CNKSR2: variants seen among roughly 807,000 people sequenced by gnomAD.
The protein encoded by CNKSR2 is CNK homolog protein 2.
In CNKSR2, 14 loss-of-function variants were observed where a neutral mutation model predicts 84.4. The observed-to-expected ratio is 0.17, with a 90% confidence interval of 0.11 to 0.26. The LOEUF is 0.26. Among genes scored for constraint, CNKSR2 ranks in the 10% least tolerant of loss-of-function variants. CNKSR2 has a pLI of 1.00. For missense variants in CNKSR2, 485 were observed against 771.2 expected, an observed-to-expected ratio of 0.63 and a Z score of 4.40; for synonymous variants, 275 against 277.9, an observed-to-expected ratio of 0.99 and a Z score of 0.10.
intron 5 of CNKSR2, among the ~76,000 whole-genome samples, chrX:21,477,449 G>T (rs2091272099): frequency 9.3e-6 from 1 of 107,838 alleles, no homozygotes; most frequent in African/African-American, 3.4e-5. Flanking sequence ...TGTTACTTAG[G>T]TTTGATCATG....
chrX:21,545,499 A>C (rs1188648215), intron 11 of CNKSR2, among the ~76,000 whole-genome samples: 1 of 112,142 alleles, frequency 8.9e-6, no homozygotes, highest in Non-Finnish European at 1.9e-5. Context: ...CAGCTTCGGC[A>C]GACTTAAACA....
At chrX:21,539,562 C>A (rs1014614149) in intron 11 of CNKSR2, among the ~76,000 whole-genome samples, 4 of 110,963 alleles carry the variant, frequency 3.6e-5, no homozygotes, top group African/African-American at 1.3e-4. Context: ...GTCATATTTC[C>A]TTACTTTTTC....
rs1359364434 is a variant in CNKSR2, at chrX:21,374,540, C to T, written c.-358C>T. The T allele has an allele frequency of 4.5e-6, 2 of 444,604 alleles. No homozygotes were observed. Among genetic ancestry groups the T allele is most frequent in the African/African-American group, 2.5e-5 (1 of 40,531 alleles). The allele number at this position is 444,604 out of a possible 1,213,427, so 36.6% of individuals were successfully genotyped here. A position where few individuals can be genotyped will look rare whatever the true frequency, so the allele number is the denominator to read the frequency against. Reference sequence around the variant, plus strand: ...CCTCGGCGACGCGACCCCTCAGCAACTCAAGCTATGAACTGAAGCTCCCTA... The same window carrying T: ...CCTCGGCGACGCGACCCCTCAGCAATTCAAGCTATGAACTGAAGCTCCCTA... On this transcript the variant is annotated 5_prime_UTR_variant, in exon 1 of 22. Transcript: ENST00000379510.
At chrX:21,399,800 T>C (rs1244976258) in intron 1 of CNKSR2, among the ~76,000 whole-genome samples, 1 of 111,836 alleles carries the variant, frequency 8.9e-6, no homozygotes, top group Non-Finnish European at 1.9e-5. Context: ...GTGTGGCCTT[T>C]GAAGCCAAAT....
rs16981603 is a variant in CNKSR2, at chrX:21,585,707, T to C, written c.1609-4865T>C. 6.9e-3 allele frequency among the ~76,000 whole-genome samples: 771 copies of C among 111,504 alleles called. 5 individuals are homozygous for C. Among genetic ancestry groups the C allele is most frequent in the African/African-American group, 0.024 (728 of 30,682 alleles). ...AGGCTTTAGCTCAGTGAAGAAGTCC[T>C]GGCTAGTGGTATGAATTCTTAAGTT... is the stretch of plus-strand genomic sequence containing the variant. On this transcript the variant is annotated intron_variant, in intron 13 of 21. Transcript: ENST00000379510.
intron 20 of CNKSR2, among the ~76,000 whole-genome samples, chrX:21,625,139 A>G (rs1043000075): frequency 1.6e-4 from 18 of 112,835 alleles, no homozygotes; most frequent in African/African-American, 5.8e-4. Context: ...AAATAAATGC[A>G]CATCGTATTC....
chrX:21,547,404 TACAGGAGCACCCAG>T (rs1334108979), intron 11 of CNKSR2, among the ~76,000 whole-genome samples: 3 of 111,439 alleles, frequency 2.7e-5, no homozygotes, highest in Non-Finnish European at 3.8e-5. Flanking sequence ...ATGCACCCAA[TACAGGAGCACCCAG>T]ATTCATAAAG....
intron 9 of CNKSR2, among the ~76,000 whole-genome samples, chrX:21,519,207 G>C (rs1229776863): frequency 9.0e-6 from 1 of 111,053 alleles, no homozygotes; most frequent in East Asian, 2.8e-4. Flanking sequence ...TAAAGTTCTG[G>C]CTTATGCTAA....
At chrX:21,487,725 C>T (rs1208623063) in intron 5 of CNKSR2, among the ~76,000 whole-genome samples, 1 of 111,913 alleles carries the variant, frequency 8.9e-6, no homozygotes, top group Admixed American at 9.5e-5. Flanking sequence ...GAATTTGAAC[C>T]GCAGCCAGTT....
At chrX:21,469,079 T>C (rs2091164742) in intron 4 of CNKSR2, among the ~76,000 whole-genome samples, 1 of 112,545 alleles carries the variant, frequency 8.9e-6, no homozygotes, top group South Asian at 3.6e-4. Flanking sequence ...GTATGATTAT[T>C]ATCCACTACT....
At chrX:21,486,121 C>T (rs2091382372) in intron 5 of CNKSR2, among the ~76,000 whole-genome samples, 1 of 111,605 alleles carries the variant, frequency 9.0e-6, no homozygotes, top group Non-Finnish European at 1.9e-5. Context: ...GAGACTCCAT[C>T]TCAAAAATAA....
intron 1 of CNKSR2, among the ~76,000 whole-genome samples, chrX:21,377,113 A>G (rs780589227): frequency 1.8e-4 from 20 of 112,165 alleles, no homozygotes; most frequent in African/African-American, 5.8e-4. Context: ...GAAAAGATCA[A>G]TTGGGTAGCC....
intron 5 of CNKSR2, among the ~76,000 whole-genome samples, chrX:21,481,888 G>C (rs2091323780): frequency 9.0e-6 from 1 of 111,607 alleles, no homozygotes; most frequent in South Asian, 3.8e-4. Context: ...GGATTCTGCT[G>C]ACAACCTGAA....
At chrX:21,402,670 G>A (rs1221531785) in intron 1 of CNKSR2, among the ~76,000 whole-genome samples, 4 of 110,619 alleles carry the variant, frequency 3.6e-5, no homozygotes, top group South Asian at 3.8e-4. Context: ...CTGGTTTACC[G>A]TCTTAATTAT....
chrX:21,495,832 T>C (rs1216902778), intron 6 of CNKSR2: 1 of 76,353 alleles, frequency 1.3e-5, no homozygotes, highest in Admixed American at 1.5e-4. Flanking sequence ...ACACGAAAAA[T>C]TTACTCTCTA....
Position 21,517,851 on chromosome X carries a change from A to C in CNKSR2, c.957+1220A>C, listed in dbSNP as rs149396827. On this transcript the variant is annotated intron_variant, in intron 9 of 21. Transcript: ENST00000379510. The stretch of plus-strand genomic sequence containing the variant: ...ATTAAGCTCTATGTTAGTACCTTTT[A>C]TTATTCATAGATTTTTTTTCCTAAG... 7.1e-3 allele frequency among the ~76,000 whole-genome samples: 789 copies of C among 111,617 alleles called. 2 individuals are homozygous for C. The highest frequency in any genetic ancestry group is 0.024 in the African/African-American group (749 of 30,835).
intron 4 of CNKSR2, among the ~76,000 whole-genome samples, chrX:21,448,394 C>T (rs968762373): frequency 1.8e-5 from 2 of 111,483 alleles, no homozygotes; most frequent in Non-Finnish European, 3.8e-5. Flanking sequence ...AAAGAGAGAA[C>T]CAATGCTAGA....
intron 5 of CNKSR2, among the ~76,000 whole-genome samples, chrX:21,484,331 C>T (rs781088343): frequency 7.1e-4 from 78 of 110,560 alleles, no homozygotes; most frequent in African/African-American, 2.5e-3. Context: ...AAAACAAAAA[C>T]CCATACTTTA....
Position 21,376,890 on chromosome X carries a change from A to G in CNKSR2, c.64+1929A>G, listed in dbSNP as rs746027297. Among the ~76,000 whole-genome samples, 73 of 111,757 alleles carry G rather than the reference A, an allele frequency of 6.5e-4. 1 individual carries two copies. The highest frequency in any genetic ancestry group is 2.8e-4 in the Admixed American group (3 of 10,584). ...GCAGTTTCCCCTCTCTCCATAGTTT[A>G]GGTCCACTGAAGCAAGTAGAATATA... On this transcript the variant is annotated intron_variant, in intron 1 of 21. Transcript: ENST00000379510.
Sources: gnomAD v4.1 joint callset for allele counts (sites outside exome capture counted in the v4.1 genomes callset) on GRCh38, gnomAD v4.1.1 for gene constraint, MANE v1.5 for transcripts, NCBI Gene and HGNC (gene_info 2026-07-23, HGNC 2026-07-21) for gene names.